PCDH15: variants seen among roughly 807,000 people sequenced by gnomAD.
PCDH15 encodes protocadherin related 15.
PCDH15 carries 129 observed loss-of-function variants against 178.5 expected under a neutral mutation model. The ratio of observed to expected loss-of-function variants is 0.72; its 90% CI spans 0.63 to 0.84. The LOEUF (loss-of-function observed/expected upper bound fraction) is 0.84, where lower values mean the gene tolerates loss of function less well. Ranked by LOEUF, PCDH15 falls within the 40% of genes least tolerant of loss-of-function variation. The pLI is 0.00. For missense variants in PCDH15, 2,230 were observed against 2,099.9 expected (o/e 1.06, Z -1.21); for synonymous variants, 800 against 732.0 (o/e 1.09, Z -1.50).
chr10:55,379,523 T>C (rs2131999324), intron 2 of PCDH15, among the ~76,000 whole-genome samples: 1 of 152,176 alleles, frequency 6.6e-6, no homozygotes, highest in South Asian at 2.1e-4. Context: ...CGAATATCAA[T>C]ATATCTATTC....
chr10:54,741,156 TAAAAG>T (rs1944754076), intron 1 of PCDH15, among the ~76,000 whole-genome samples: 4 of 151,430 alleles, frequency 2.6e-5, no homozygotes, highest in Admixed American at 1.3e-4. Context: ...GTACCAATAT[TAAAAG>T]AAAAAATATA....
In PCDH15 at chr10:54,627,418, T is replaced by C. The variant is rs376888759; in HGVS notation, c.91+36754A>G. Among the ~76,000 whole-genome samples, 12 of 152,244 alleles carry C rather than the reference T, an allele frequency of 7.9e-5. No individual in the cohort carries two copies. The East Asian group carries it at 1.5e-3, about 20-fold the overall frequency. On this transcript the variant is annotated intron_variant, in intron 2 of 37. Coordinates refer to ENST00000644397, the MANE Select transcript of PCDH15 (RefSeq NM_001384140.1). ...GATCTTTCCCGTACTGTTCTCATGATAGTGAATGGGTCTCACGAGATCTGA... is the reference window on the plus strand; with the variant it reads ...GATCTTTCCCGTACTGTTCTCATGACAGTGAATGGGTCTCACGAGATCTGA...
At chr10:55,226,626 C>T (rs1592003173) in intron 1 of PCDH15, among the ~76,000 whole-genome samples, 1 of 152,116 alleles carries the variant, frequency 6.6e-6, no homozygotes, top group Non-Finnish European at 1.5e-5. Flanking sequence ...AGGTGATCCG[C>T]CCGCCTCGGC....
At chr10:54,575,887 A>G (rs1565641335) in intron 2 of PCDH15, among the ~76,000 whole-genome samples, 1 of 152,176 alleles carries the variant, frequency 6.6e-6, no homozygotes, top group Non-Finnish European at 1.5e-5. Context: ...AATTCCACAC[A>G]ACATTGATTT....
chr10:55,240,828 T>C (rs568661630), intron 1 of PCDH15, among the ~76,000 whole-genome samples: 43 of 152,326 alleles, frequency 2.8e-4, no homozygotes, highest in Non-Finnish European at 5.3e-4. Flanking sequence ...CCAAGCATTC[T>C]TCAAAAGTGA....
intron 3 of PCDH15, among the ~76,000 whole-genome samples, chr10:54,818,022 G>T (rs1399854652): frequency 1.3e-5 from 2 of 151,886 alleles, no homozygotes; most frequent in Non-Finnish European, 2.9e-5. Context: ...TTAGCATAAA[G>T]CTTAGTACTT....
chr10:55,553,734 A>G (rs921806742), intron 2 of PCDH15, among the ~76,000 whole-genome samples: 3 of 151,882 alleles, frequency 2.0e-5, no homozygotes, highest in African/African-American at 7.2e-5. Flanking sequence ...GGACTATTAT[A>G]GGATTACATG....
At chr10:54,977,473 G>A (rs749285235) in intron 2 of PCDH15, among the ~76,000 whole-genome samples, 12 of 152,150 alleles carry the variant, frequency 7.9e-5, no homozygotes, top group Admixed American at 2.0e-4. Flanking sequence ...GTTTACAAAC[G>A]CCATGGCAAT....
chr10:54,203,771 G>A (rs377502788), intron 10 of PCDH15, among the ~76,000 whole-genome samples: 1 of 152,080 alleles, frequency 6.6e-6, no homozygotes, highest in Non-Finnish European at 1.5e-5. Flanking sequence ...ACCCAGCAAG[G>A]TGCAGGCTGC....
intron 3 of PCDH15, among the ~76,000 whole-genome samples, chr10:54,838,771 T>G (rs570277512): frequency 1.3e-5 from 2 of 152,252 alleles, no homozygotes; most frequent in South Asian, 4.1e-4. Flanking sequence ...TTGATCTTAG[T>G]GCAGATCCTG....
intron 2 of PCDH15, among the ~76,000 whole-genome samples, chr10:55,543,677 T>A (rs1181521877): frequency 1.3e-5 from 2 of 151,338 alleles, no homozygotes; most frequent in African/African-American, 4.8e-5. Context: ...GGAACCAGGA[T>A]GTTGACATTT....
At chr10:54,980,011 C>T (rs1839190141) in intron 2 of PCDH15, among the ~76,000 whole-genome samples, 1 of 152,080 alleles carries the variant, frequency 6.6e-6, no homozygotes, top group Non-Finnish European at 1.5e-5. Flanking sequence ...CATTTGTGAA[C>T]ATCTGCAATT....
rs146877276 is a variant in PCDH15, at chr10:53,813,274, C to G, written c.4492-1655G>C. 2.8e-3 allele frequency among the ~76,000 whole-genome samples: 432 copies of G among 152,188 alleles called. 1 individual carries two copies. Among genetic ancestry groups the G allele is most frequent in the African/African-American group, 9.8e-3 (407 of 41,542 alleles). On this transcript the variant is annotated intron_variant, in intron 35 of 37. Transcript: ENST00000644397. ...GCTATTGCTTTGTGTCTAATAAACT[C>G]CATTCACTTACATTACTACCCTAGA...
At chr10:54,744,314 C>T (rs1945188513) in intron 1 of PCDH15, among the ~76,000 whole-genome samples, 2 of 152,062 alleles carry the variant, frequency 1.3e-5, no homozygotes, top group African/African-American at 4.8e-5. Flanking sequence ...ACAGAGGATG[C>T]AACTAAGCAT....
At chr10:54,651,318 G>A (rs550301322) in intron 2 of PCDH15, among the ~76,000 whole-genome samples, 1 of 152,064 alleles carries the variant, frequency 6.6e-6, no homozygotes, top group Non-Finnish European at 1.5e-5. Flanking sequence ...AATATGAGTA[G>A]GCAAAGCAAG....
intron 1 of PCDH15, among the ~76,000 whole-genome samples, chr10:54,685,909 T>G (rs1175318881): frequency 6.6e-6 from 1 of 152,170 alleles, no homozygotes; most frequent in Non-Finnish European, 1.5e-5. Context: ...AAATTGTAAA[T>G]TGAACCACTG....
intron 1 of PCDH15, among the ~76,000 whole-genome samples, chr10:54,738,741 A>G (rs1944423417): frequency 1.3e-5 from 2 of 152,072 alleles, no homozygotes; most frequent in South Asian, 4.1e-4. Context: ...ACGCAAGTAT[A>G]GTTAAACATA....
intron 1 of PCDH15, among the ~76,000 whole-genome samples, chr10:54,692,795 T>C (rs2095149669): frequency 6.6e-6 from 1 of 151,294 alleles, no homozygotes; most frequent in Admixed American, 6.6e-5. Context: ...AATGATGTAG[T>C]AAAGATTAAA....
chr10:53,840,313 C>T lies in PCDH15; in HGVS notation c.3983+7G>A, dbSNP rs1564584692. The T allele has an allele frequency of 1.2e-6, 2 of 1,613,578 alleles. No individual in the cohort carries two copies. Among genetic ancestry groups the T allele is most frequent in the Non-Finnish European group, 1.7e-6 (2 of 1,179,496 alleles). ...AAGAGCTGTTACAGATAACAAAAAG[C>T]ACTTACTTAAAAAGCTCATTTCTAT... is the stretch of plus-strand genomic sequence containing the variant. On this transcript the variant is annotated splice_region_variant and intron_variant, in intron 29 of 37. Coordinates refer to ENST00000644397, the MANE Select transcript of PCDH15 (RefSeq NM_001384140.1).
Sources: gnomAD v4.1 joint callset for allele counts (sites outside exome capture counted in the v4.1 genomes callset) on GRCh38, gnomAD v4.1.1 for gene constraint, MANE v1.5 for transcripts, NCBI Gene and HGNC (gene_info 2026-07-23, HGNC 2026-07-21) for gene names.